Variants in CSMD1 observed in about 807,000 individuals in gnomAD.
The protein encoded by CSMD1 is CUB and sushi domain-containing protein 1.
Under a neutral mutation model 417.5 loss-of-function variants are expected in CSMD1, and 213 were observed. The ratio of observed to expected loss-of-function variants is 0.51; its 90% confidence interval spans 0.46 to 0.57. The LOEUF (loss-of-function observed/expected upper bound fraction) is 0.57. CSMD1 is among the 20% of genes least tolerant of loss of function. The probability of loss-of-function intolerance (pLI) is 0.00; values close to 1 mark genes in which losing one functional copy is unlikely to be tolerated. For synonymous variants in CSMD1, 2,862 were observed against 1,736.8 expected (o/e 1.65, Z -16.11); for missense variants, 6,923 against 4,529.7 (o/e 1.53, Z -15.17).
chr8:4,112,603 G>A (rs149050527), intron 3 of CSMD1, among the ~76,000 whole-genome samples: 20 of 152,280 alleles, frequency 1.3e-4, no homozygotes, highest in African/African-American at 4.8e-4. Context: ...GTGCGTGTAT[G>A]AGGGCTGGTT....
intron 26 of CSMD1, among the ~76,000 whole-genome samples, chr8:3,243,602 ACTT>A (rs1004752639): frequency 2.0e-5 from 3 of 152,000 alleles, no homozygotes; most frequent in African/African-American, 7.3e-5. Context: ...GGCCATTTTC[ACTT>A]CTTTTGTGGT....
rs1012683450 is a variant in CSMD1, at chr8:4,789,457, G to A, written c.86-151899C>T. 7.9e-5 allele frequency among the ~76,000 whole-genome samples: 12 copies of A among 152,140 alleles called. 1 individual carries two copies. The highest frequency in any genetic ancestry group is 3.9e-4 in the Admixed American group (6 of 15,262). ...GTATCCCCAGAGTTTACAAAATAAC[G>A]CATTTAAACGCCTGGCACCTGGTTT... On this transcript the variant is annotated intron_variant, in intron 1 of 69. Transcript: ENST00000635120.
At chr8:3,027,994 C>T (rs976477299) in intron 51 of CSMD1, among the ~76,000 whole-genome samples, 1 of 152,182 alleles carries the variant, frequency 6.6e-6, no homozygotes, top group African/African-American at 2.4e-5. Context: ...AAGATTGTCA[C>T]GCAGCAAATA....
At chr8:3,871,308 T>C (rs1378126605) in intron 5 of CSMD1, among the ~76,000 whole-genome samples, 3 of 152,100 alleles carry the variant, frequency 2.0e-5, no homozygotes, top group African/African-American at 4.8e-5. Context: ...CTCCTACTAG[T>C]AGTGTTGGAA....
At chr8:3,635,443 C>T (rs1796988075) in intron 7 of CSMD1, among the ~76,000 whole-genome samples, 1 of 151,288 alleles carries the variant, frequency 6.6e-6, no homozygotes, top group Non-Finnish European at 1.5e-5. Context: ...GAGAGTGCAC[C>T]ACTACACTCC....
chr8:3,772,189 TACACACACAC>T (rs66499504), intron 5 of CSMD1, among the ~76,000 whole-genome samples: 1 of 100,922 alleles, frequency 9.9e-6, no homozygotes, highest in Non-Finnish European at 2.0e-5. Context: ...TATATATATA[TACACACACAC>T]ACACACACAC....
At chr8:3,683,377 T>A (rs1205106477) in intron 7 of CSMD1, among the ~76,000 whole-genome samples, 2 of 152,158 alleles carry the variant, frequency 1.3e-5, no homozygotes, top group Non-Finnish European at 2.9e-5. Context: ...CTGTTTATTC[T>A]GGGCACTGCA....
intron 5 of CSMD1, among the ~76,000 whole-genome samples, chr8:3,979,246 G>C (rs945949706): frequency 6.6e-6 from 1 of 152,148 alleles, no homozygotes; most frequent in Non-Finnish European, 1.5e-5. Flanking sequence ...GAAATTTAGG[G>C]CATCTTTTTG....
chr8:4,610,392 A>G (rs1048484136), intron 2 of CSMD1, among the ~76,000 whole-genome samples: 14 of 152,190 alleles, frequency 9.2e-5, no homozygotes, highest in Admixed American at 2.0e-4. Flanking sequence ...CACCATGCAG[A>G]AAGTTTCAAA....
intron 3 of CSMD1, among the ~76,000 whole-genome samples, chr8:4,074,442 T>A (rs1338691508): frequency 1.3e-5 from 2 of 152,124 alleles, no homozygotes. Context: ...ATTATTTACT[T>A]TCAGAGAAGC....
intron 2 of CSMD1, among the ~76,000 whole-genome samples, chr8:4,586,142 C>A (rs568056339): frequency 1.3e-5 from 2 of 152,156 alleles, no homozygotes; most frequent in Non-Finnish European, 2.9e-5. Context: ...CAAGCATTTG[C>A]CATTTCTTTG....
chr8:4,678,132 C>G (rs1403617785), intron 1 of CSMD1, among the ~76,000 whole-genome samples: 1 of 148,498 alleles, frequency 6.7e-6, no homozygotes, highest in Non-Finnish European at 1.5e-5. Context: ...AAGAATTTTT[C>G]TTTTTTTTTT....
chr8:4,720,473 A>G (rs1808980812), intron 1 of CSMD1, among the ~76,000 whole-genome samples: 1 of 152,170 alleles, frequency 6.6e-6, no homozygotes, highest in Admixed American at 6.5e-5. Flanking sequence ...GCTGGAGTGC[A>G]GAGGCATGAT....
chr8:3,138,124 G>T (rs1265443741), intron 41 of CSMD1, among the ~76,000 whole-genome samples: 1 of 152,210 alleles, frequency 6.6e-6, no homozygotes, highest in Non-Finnish European at 1.5e-5. Context: ...TACTTGGGAG[G>T]CTGAGGCAGG....
At chr8:4,131,831 C>T (rs2552160) in intron 3 of CSMD1, among the ~76,000 whole-genome samples, 4,492 of 144,098 alleles carry the variant, frequency 0.031, 241 homozygotes, top group African/African-American at 0.11. Flanking sequence ...GGTGCGATCC[C>T]GGCTCACTGC....
At chr8:4,906,239 G>C (rs895806953) in intron 1 of CSMD1, among the ~76,000 whole-genome samples, 3 of 152,170 alleles carry the variant, frequency 2.0e-5, no homozygotes, top group Non-Finnish European at 4.4e-5. Flanking sequence ...AAATTCTGAA[G>C]ATGACACTTC....
intron 1 of CSMD1, among the ~76,000 whole-genome samples, chr8:4,735,694 G>A (rs929316680): frequency 5.9e-5 from 9 of 152,102 alleles, no homozygotes; most frequent in Admixed American, 2.6e-4. Flanking sequence ...TTGAACACTT[G>A]ACATCTTCTT....
intron 68 of CSMD1, among the ~76,000 whole-genome samples, chr8:2,948,503 A>C (rs1033588944): frequency 2.6e-5 from 4 of 152,186 alleles, no homozygotes; most frequent in Non-Finnish European, 5.9e-5. Flanking sequence ...CTCATTTATA[A>C]GTCAAACCTC....
intron 3 of CSMD1, among the ~76,000 whole-genome samples, chr8:4,398,210 A>T (rs569656955): frequency 3.3e-5 from 5 of 152,114 alleles, no homozygotes; most frequent in Non-Finnish European, 5.9e-5. Flanking sequence ...TAGAAGGATG[A>T]TCTGTAGTAT....
Sources: gnomAD v4.1 joint callset for allele counts (sites outside exome capture counted in the v4.1 genomes callset) on GRCh38, gnomAD v4.1.1 for gene constraint, MANE v1.5 for transcripts, NCBI Gene and HGNC (gene_info 2026-07-23, HGNC 2026-07-21) for gene names.